Variants in OTUD7B observed in about 807,000 individuals in gnomAD.
OTUD7B encodes the protein OTU domain-containing protein 7B.
OTUD7B carries 34 observed loss-of-function variants against 82.2 expected under a neutral mutation model. The ratio of observed to expected loss-of-function variants is 0.41; its 90% CI spans 0.31 to 0.55. The LOEUF (loss-of-function observed/expected upper bound fraction) is 0.55. OTUD7B is among the 20% of genes least tolerant of loss of function. OTUD7B has a pLI of 0.20. For synonymous variants in OTUD7B, 398 were observed against 402.7 expected, an observed-to-expected ratio of 0.99 and a Z score of 0.14; for missense variants, 944 against 1,062.1, an observed-to-expected ratio of 0.89 and a Z score of 1.55.
At chr1:149,958,616 G>A (rs193136942) in intron 7 of OTUD7B, among the ~76,000 whole-genome samples, 86 of 151,950 alleles carry the variant, frequency 5.7e-4, no homozygotes, top group South Asian at 1.2e-3. Flanking sequence ...GCCTGGCCAG[G>A]ACTACCTTTT....
chr1:150,049,871 GC>G, the OTUD7B span, among the ~76,000 whole-genome samples: 1 of 151,894 alleles, frequency 6.6e-6, no homozygotes. Context: ...ACCGTGCCCA[GC>G]CCTATTTTCT....
the OTUD7B span, among the ~76,000 whole-genome samples, chr1:150,022,469 C>A: frequency 6.8e-6 from 1 of 146,456 alleles, no homozygotes; most frequent in Non-Finnish European, 1.5e-5. Flanking sequence ...GCTGAGAGAG[C>A]AACTCCAGCC....
intron 1 of OTUD7B, among the ~76,000 whole-genome samples, chr1:149,995,550 G>T (rs587716212): frequency 6.6e-6 from 1 of 151,414 alleles, no homozygotes; most frequent in African/African-American, 2.4e-5. Context: ...CTGCACTCCA[G>T]CCTGGGTGAC....
intron 3 of OTUD7B, among the ~76,000 whole-genome samples, chr1:149,969,565 G>A (rs782484885): frequency 6.6e-6 from 1 of 152,092 alleles, no homozygotes; most frequent in African/African-American, 2.4e-5. Flanking sequence ...ACAAGGTCAG[G>A]AGATCGACAC....
chr1:149,976,208 C>T (rs1650295284), intron 2 of OTUD7B, among the ~76,000 whole-genome samples: 1 of 152,026 alleles, frequency 6.6e-6, no homozygotes. Flanking sequence ...AAGAACTTGC[C>T]CCTTCCCCAT....
rs1553770493 is a variant in OTUD7B, at chr1:149,941,918, C to T, written c.*1939G>A. The T allele has an allele frequency of 6.6e-6, 1 of 152,176 alleles. No homozygotes were observed. The highest frequency in any genetic ancestry group is 6.5e-5 in the Admixed American group (1 of 15,268). The allele number at this position is 152,176 out of a possible 1,614,324, so 9.4% of individuals were successfully genotyped here. A position where few individuals can be genotyped will look rare whatever the true frequency, so the allele number is the denominator to read the frequency against. On this transcript the variant is annotated 3_prime_UTR_variant, in exon 12 of 12. Transcript: ENST00000581312. ...CATCCCTTCCTTTGGAATCTCACTG[C>T]TTCCTTAACACAAATCTATTTTCAA...
At chr1:150,019,639 G>C in the OTUD7B span, among the ~76,000 whole-genome samples, 1 of 152,110 alleles carries the variant, frequency 6.6e-6, no homozygotes, top group Non-Finnish European at 1.5e-5. Context: ...GATTACAGGT[G>C]TGAGCCACTG....
In OTUD7B at chr1:149,967,291, G is replaced by A. The variant is rs1277016566; in HGVS notation, c.502+3C>T. The A allele has an allele frequency of 1.9e-6, 3 of 1,605,694 alleles. No individual in the cohort carries two copies. The highest frequency in any genetic ancestry group is 2.6e-6 in the Non-Finnish European group (3 of 1,172,928). ...GAGTGTGGGAGAGGAAGCACTCACT[G>A]ACCTGCCTGTTCCAAGGCAACCAGC... On this transcript the variant is annotated splice_donor_region_variant and intron_variant, in intron 4 of 11. Transcript: ENST00000581312.
intron 5 of OTUD7B, 129 bp from the exon 6 acceptor site, chr1:149,964,478 T>G (rs2101812504): frequency 2.6e-6 from 2 of 766,314 alleles, no homozygotes; most frequent in Non-Finnish European, 4.1e-6. Flanking sequence ...GTGACCCCCC[T>G]GCCTTACCCT....
chr1:150,060,625 C>T, the OTUD7B span, among the ~76,000 whole-genome samples: 6,045 of 152,114 alleles, frequency 0.04, 404 homozygotes, highest in African/African-American at 0.13. Flanking sequence ...ACTGAAGGAA[C>T]GAAGGTTACA....
the OTUD7B span, among the ~76,000 whole-genome samples, chr1:150,044,060 G>A: frequency 1.3e-5 from 2 of 151,962 alleles, no homozygotes; most frequent in African/African-American, 2.4e-5. Flanking sequence ...CAAAGCTGCA[G>A]TAAGCCATGA....
chr1:150,027,683 TATA>T, the OTUD7B span, among the ~76,000 whole-genome samples: 2 of 152,154 alleles, frequency 1.3e-5, no homozygotes, highest in Non-Finnish European at 2.9e-5. Context: ...GAAGATTTCT[TATA>T]ATAATCTGCT....
intron 10 of OTUD7B, among the ~76,000 whole-genome samples, chr1:149,948,466 G>A (rs1331751780): frequency 6.7e-6 from 1 of 150,204 alleles, no homozygotes; most frequent in Non-Finnish European, 1.5e-5. Context: ...CTGCCTCCTG[G>A]GTTCAAGCGA....
chr1:149,994,627 A>G (rs937466545), intron 1 of OTUD7B, among the ~76,000 whole-genome samples: 5 of 150,464 alleles, frequency 3.3e-5, no homozygotes, highest in Non-Finnish European at 7.4e-5. Flanking sequence ...TGTTTTTTTA[A>G]GAGACAAGAG....
chr1:150,032,848 T>G, the OTUD7B span, among the ~76,000 whole-genome samples: 1 of 152,186 alleles, frequency 6.6e-6, no homozygotes, highest in African/African-American at 2.4e-5. Context: ...TCTTTTATAA[T>G]GTAAATTAAT....
intron 1 of OTUD7B, among the ~76,000 whole-genome samples, chr1:149,982,301 A>G (rs1378363434): frequency 6.6e-6 from 1 of 151,570 alleles, no homozygotes; most frequent in Non-Finnish European, 1.5e-5. Context: ...GTCTGAACCT[A>G]GATAGTCTGA....
At chr1:150,043,393 G>A in the OTUD7B span, among the ~76,000 whole-genome samples, 2 of 152,194 alleles carry the variant, frequency 1.3e-5, no homozygotes, top group Admixed American at 6.5e-5. Flanking sequence ...CAGAACATGA[G>A]AGATGCCACT....
the OTUD7B span, among the ~76,000 whole-genome samples, chr1:150,031,116 C>G: frequency 6.6e-6 from 1 of 152,050 alleles, no homozygotes; most frequent in Non-Finnish European, 1.5e-5. Context: ...TCTGATTTTT[C>G]ATTGTATTCT....
chr1:150,062,708 C>CTTTCT, the OTUD7B span, among the ~76,000 whole-genome samples: 3 of 96,056 alleles, frequency 3.1e-5, no homozygotes, highest in African/African-American at 1.2e-4. Flanking sequence ...CTTCTTCTTT[C>CTTTCT]TTTTTTTTTT....
Sources: allele counts gnomAD v4.1 joint callset (sites outside exome capture counted in the v4.1 genomes callset), GRCh38; gene constraint gnomAD v4.1.1; transcripts MANE v1.5; gene names NCBI Gene and HGNC (gene_info 2026-07-23, HGNC 2026-07-21).